The following EDA variants were observed in gnomAD, a reference collection of about 807,000 sequenced individuals.
EDA encodes ectodysplasin-A.
In EDA, 2 loss-of-function variants were observed where a neutral mutation model predicts 23.6. That is an observed-to-expected ratio of 0.08 (90% confidence interval 0.03 to 0.27). The LOEUF (loss-of-function observed/expected upper bound fraction) is 0.27, where lower values mean the gene tolerates loss of function less well. Ranked by LOEUF, EDA falls within the 10% of genes least tolerant of loss-of-function variation. EDA has a pLI of 1.00. For synonymous variants in EDA, 131 were observed against 132.0 expected (o/e 0.99, Z 0.05); for missense variants, 229 against 324.2 (o/e 0.71, Z 2.26).
At chrX:69,912,769 C>CTT (rs750059116) in intron 1 of EDA, among the ~76,000 whole-genome samples, 12,953 of 79,070 alleles carry the variant, frequency 0.16, 936 homozygotes, top group East Asian at 0.24. Flanking sequence ...TTTTTCTTTT[C>CTT]TTTTTTTTTT....
chrX:69,955,750 AG>A (rs1319148481), intron 1 of EDA, among the ~76,000 whole-genome samples: 1 of 111,828 alleles, frequency 8.9e-6, no homozygotes, highest in African/African-American at 3.2e-5. Flanking sequence ...TTATCTGCAA[AG>A]TACTATTATT....
intron 1 of EDA, among the ~76,000 whole-genome samples, chrX:69,801,991 C>T: frequency 9.0e-6 from 1 of 111,698 alleles, no homozygotes; most frequent in South Asian, 3.7e-4. Flanking sequence ...GACCCAGGCA[C>T]TTTTACTCCT....
chrX:69,645,779 G>A (rs1932915768), intron 1 of EDA, among the ~76,000 whole-genome samples: 1 of 107,817 alleles, frequency 9.3e-6, no homozygotes, highest in Non-Finnish European at 1.9e-5. Flanking sequence ...TAGTTGAGAT[G>A]TTAGGTTGCT....
intron 1 of EDA, among the ~76,000 whole-genome samples, chrX:69,806,444 A>G (rs886657481): frequency 1.6e-4 from 18 of 110,972 alleles, no homozygotes; most frequent in Admixed American, 1.5e-3. Flanking sequence ...AGTTGGCAGT[A>G]CATATTTATC....
intron 1 of EDA, among the ~76,000 whole-genome samples, chrX:69,685,720 G>T (rs1336115582): frequency 9.0e-6 from 1 of 111,698 alleles, no homozygotes; most frequent in Admixed American, 9.5e-5. Flanking sequence ...AGGCAGAAAA[G>T]GGTTTTTATT....
At chrX:69,704,086 G>A (rs746957640) in intron 1 of EDA, among the ~76,000 whole-genome samples, 1 of 111,670 alleles carries the variant, frequency 9.0e-6, no homozygotes, top group Admixed American at 9.5e-5. Flanking sequence ...ATGACCAATG[G>A]CCTGTGACAC....
At chrX:70,009,570 G>A (rs2019846993) in intron 2 of EDA, among the ~76,000 whole-genome samples, 2 of 70,448 alleles carry the variant, frequency 2.8e-5, no homozygotes, top group African/African-American at 1.0e-4. Context: ...TTTGGGTTTT[G>A]TTTTGTTTTG....
At chrX:69,751,721 C>G (rs1345041543) in intron 1 of EDA, among the ~76,000 whole-genome samples, 2 of 111,448 alleles carry the variant, frequency 1.8e-5, no homozygotes, top group Non-Finnish European at 3.8e-5. Context: ...GTTTATAGTT[C>G]TCCTTGAAGA....
At chrX:69,772,546 A>C (rs2014668419) in intron 1 of EDA, among the ~76,000 whole-genome samples, 1 of 111,457 alleles carries the variant, frequency 9.0e-6, no homozygotes, top group Non-Finnish European at 1.9e-5. Flanking sequence ...TTACAGGTAT[A>C]TTGCATGTCG....
chrX:69,870,924 C>T (rs1350130128), intron 1 of EDA, among the ~76,000 whole-genome samples: 2 of 111,397 alleles, frequency 1.8e-5, no homozygotes, highest in African/African-American at 6.5e-5. Context: ...CTTCTGAAGT[C>T]AGGTGACAGA....
chrX:69,997,290 G>T (rs1229225550), intron 2 of EDA, among the ~76,000 whole-genome samples: 3 of 111,790 alleles, frequency 2.7e-5, no homozygotes, highest in Non-Finnish European at 5.6e-5. Context: ...GTTGAGAACT[G>T]GAGCAAAGGT....
At chrX:69,765,514 A>G (rs1019788324) in intron 1 of EDA, among the ~76,000 whole-genome samples, 6 of 112,007 alleles carry the variant, frequency 5.4e-5, no homozygotes, top group Admixed American at 4.7e-4. Flanking sequence ...ATTCATAACC[A>G]TCACTGGTGT....
chrX:69,684,951 G>C (rs1934495390), intron 1 of EDA, among the ~76,000 whole-genome samples: 1 of 112,433 alleles, frequency 8.9e-6, no homozygotes, highest in South Asian at 3.6e-4. Context: ...AGTTGGAGCT[G>C]TTTAGCTTTG....
At chrX:69,896,701 A>G (rs1466981226) in intron 1 of EDA, among the ~76,000 whole-genome samples, 1 of 110,997 alleles carries the variant, frequency 9.0e-6, no homozygotes, top group Admixed American at 9.7e-5. Context: ...AGGCAGGACT[A>G]GAAATCAGGT....
At chrX:69,687,529 TTTG>T (rs759829630) in intron 1 of EDA, 1 of 111,806 alleles carries the variant, frequency 8.9e-6, no homozygotes, top group Admixed American at 9.5e-5. Flanking sequence ...CTACCCATCT[TTTG>T]TTAAGTTTAT....
intron 2 of EDA, among the ~76,000 whole-genome samples, chrX:69,970,767 A>G (rs1476743215): frequency 9.0e-6 from 1 of 111,401 alleles, no homozygotes; most frequent in Non-Finnish European, 1.9e-5. Context: ...GTCAGGTTTC[A>G]AAGTTTGCTG....
At chrX:69,825,224 G>A (rs1360018252) in intron 1 of EDA, among the ~76,000 whole-genome samples, 4 of 95,433 alleles carry the variant, frequency 4.2e-5, no homozygotes, top group Non-Finnish European at 6.4e-5. Context: ...AAATGAGTTA[G>A]GGAGGATTCC....
intron 1 of EDA, among the ~76,000 whole-genome samples, chrX:69,635,566 CTTT>C (rs138087284): frequency 4.7e-5 from 3 of 63,466 alleles, no homozygotes; most frequent in Non-Finnish European, 5.2e-5. Context: ...AACACCAAAT[CTTT>C]TTTTTTTTTT....
At chrX:69,896,487 C>T (rs915129653) in intron 1 of EDA, among the ~76,000 whole-genome samples, 7 of 109,150 alleles carry the variant, frequency 6.4e-5, no homozygotes, top group East Asian at 2.9e-4. Flanking sequence ...TGGATGGTTT[C>T]GTACAACATA....
Sources: gnomAD v4.1 joint callset for allele counts (sites outside exome capture counted in the v4.1 genomes callset) on GRCh38, gnomAD v4.1.1 for gene constraint, MANE v1.5 for transcripts, NCBI Gene and HGNC (gene_info 2026-07-23, HGNC 2026-07-21) for gene names.